The following CEP128 variants were observed in gnomAD, a reference collection of about 807,000 sequenced individuals.
CEP128 encodes the protein centrosomal protein 128.
CEP128 carries 132 observed loss-of-function variants against 156.7 expected under a neutral mutation model. That is an observed-to-expected ratio of 0.84 (90% CI 0.73 to 0.97). The LOEUF is 0.97. CEP128 is among the 50% of genes least tolerant of loss of function. CEP128 has a pLI of 0.00. For synonymous variants in CEP128, 469 were observed against 448.9 expected, an observed-to-expected ratio of 1.04 and a Z score of -0.57; for missense variants, 1,252 against 1,281.9, an observed-to-expected ratio of 0.98 and a Z score of 0.36.
intron 24 of CEP128, among the ~76,000 whole-genome samples, chr14:80,503,063 G>A (rs1433782319): frequency 6.6e-6 from 1 of 151,930 alleles, no homozygotes; most frequent in Non-Finnish European, 1.5e-5. Context: ...GAAAATATGG[G>A]GATAGGTCTG....
At chr14:80,762,234 G>A (rs1012073777) in intron 16 of CEP128, among the ~76,000 whole-genome samples, 5 of 151,516 alleles carry the variant, frequency 3.3e-5, no homozygotes, top group African/African-American at 7.3e-5. Flanking sequence ...CAAGGACTTG[G>A]GGACCCACTC....
At chr14:80,638,477 C>T (rs1894280899) in intron 19 of CEP128, among the ~76,000 whole-genome samples, 1 of 152,140 alleles carries the variant, frequency 6.6e-6, no homozygotes, top group South Asian at 2.1e-4. Flanking sequence ...CCCCGATGTG[C>T]GTAGGGCTCT....
At chr14:80,541,961 T>C (rs1889783263) in intron 21 of CEP128, among the ~76,000 whole-genome samples, 1 of 143,104 alleles carries the variant, frequency 7.0e-6, no homozygotes, top group Non-Finnish European at 1.5e-5. Context: ...TGGGACTCAG[T>C]TTCCTAATTT....
chr14:80,788,401 A>C (rs1462010683), intron 14 of CEP128, among the ~76,000 whole-genome samples: 1 of 149,922 alleles, frequency 6.7e-6, no homozygotes, highest in Non-Finnish European at 1.5e-5. Flanking sequence ...AAATTATCAG[A>C]CTCATAGGCA....
chr14:80,841,838 T>C (rs1025692429), intron 9 of CEP128, among the ~76,000 whole-genome samples: 2 of 152,064 alleles, frequency 1.3e-5, no homozygotes, highest in South Asian at 4.1e-4. Context: ...GAAAACTAAA[T>C]GGTTTGATAT....
At chr14:80,743,513 A>T (rs890378039) in intron 18 of CEP128, among the ~76,000 whole-genome samples, 3 of 152,206 alleles carry the variant, frequency 2.0e-5, no homozygotes, top group Admixed American at 6.5e-5. Flanking sequence ...TAGAAAGACA[A>T]AGTTTGGCCT....
chr14:80,709,335 A>G (rs1216717638), intron 19 of CEP128, among the ~76,000 whole-genome samples: 3 of 151,906 alleles, frequency 2.0e-5, no homozygotes, highest in Non-Finnish European at 4.4e-5. Flanking sequence ...ATGGGGTTTC[A>G]CTATGTTGGC....
rs575643627 is a variant in CEP128, at chr14:80,506,279, G to A, written c.3073-1259C>T. ...GAAGACCCCACAGCTTAGGTACACT[G>A]AGCCTGGGGGAAGCGATTACAGTGA... is the stretch of plus-strand genomic sequence containing the variant. On this transcript the variant is annotated intron_variant, in intron 23 of 24. Transcript: ENST00000555265. 5.9e-5 allele frequency among the ~76,000 whole-genome samples: 9 copies of A among 151,422 alleles called. No homozygotes were observed. The South Asian group carries it at 1.7e-3, about 28-fold the overall frequency.
chr14:80,603,454 C>T (rs1003611300), intron 19 of CEP128, among the ~76,000 whole-genome samples: 2 of 152,152 alleles, frequency 1.3e-5, no homozygotes, highest in Non-Finnish European at 2.9e-5. Context: ...AATGAATACA[C>T]TAAAATGTAC....
At chr14:80,599,871 A>G (rs1398461310) in intron 19 of CEP128, among the ~76,000 whole-genome samples, 1 of 152,202 alleles carries the variant, frequency 6.6e-6, no homozygotes, top group Non-Finnish European at 1.5e-5. Context: ...CTGGATTGAA[A>G]AGTAGAGAAA....
In CEP128 at chr14:80,761,517, C is replaced by T. The variant is rs755467958; in HGVS notation, c.2473G>A (p.Glu825Lys). Reference protein sequence around the residue: ...DQLLCLETEQESILGVIGKEI... With the variant: ...DQLLCLETEQKSILGVIGKEI... ...TTTCCTATCACACCAAGAATGGATT[C>T]CTGTTCAGTCTCCAAGCAAAGAAGT... Residue 825 changes from glutamate to lysine, a missense_variant, in exon 17 of 25, where the codon GAA becomes AAA. Glu to Lys is a moderately conservative substitution (Grantham distance 56, BLOSUM62 1). Transcript: ENST00000555265. 6.2e-7 allele frequency: 1 copy of T among 1,612,700 alleles called. No homozygotes were observed. The highest frequency in any genetic ancestry group is 1.7e-4 in the Middle Eastern group (1 of 6,056).
chr14:80,811,333 C>T (rs1884520347), intron 13 of CEP128, among the ~76,000 whole-genome samples: 1 of 152,064 alleles, frequency 6.6e-6, no homozygotes. Flanking sequence ...ATTTCTGGTT[C>T]TAGGTCTTTG....
At position 80,734,324 on chromosome 14, in the gene CEP128, G is replaced by A. The variant is rs1211404756; in HGVS notation, c.2806+8751C>T. 2.6e-5 allele frequency among the ~76,000 whole-genome samples: 4 copies of A among 151,878 alleles called. No individual in the cohort carries two copies. The East Asian group carries it at 7.7e-4, about 29-fold the overall frequency. ...TGTCTTCATACTAACATAATCAAAAGTTTAATTTTTTAAGGGAGGAAGGGG... is the reference window on the plus strand; with the variant it reads ...TGTCTTCATACTAACATAATCAAAAATTTAATTTTTTAAGGGAGGAAGGGG... On this transcript the variant is annotated intron_variant, in intron 19 of 24. Transcript: ENST00000555265.
intron 16 of CEP128, among the ~76,000 whole-genome samples, chr14:80,774,616 TGTGTGTGTGC>T (rs1214224301): frequency 6.6e-6 from 1 of 152,070 alleles, no homozygotes; most frequent in African/African-American, 2.4e-5. Flanking sequence ...CATATGTGTG[TGTGTGTGTGC>T]GTGTGTGTGT....
intron 19 of CEP128, among the ~76,000 whole-genome samples, chr14:80,640,556 C>T (rs1459277771): frequency 6.6e-6 from 1 of 152,100 alleles, no homozygotes; most frequent in Non-Finnish European, 1.5e-5. Context: ...ACAGCAACAT[C>T]CTCTCCTTTT....
intron 21 of CEP128, among the ~76,000 whole-genome samples, chr14:80,531,230 A>T (rs1036364716): frequency 6.6e-6 from 1 of 152,220 alleles, no homozygotes; most frequent in Non-Finnish European, 1.5e-5. Context: ...CATCAGAAAT[A>T]GACTATGAGG....
At chr14:80,760,164 A>G (rs935670357) in intron 17 of CEP128, among the ~76,000 whole-genome samples, 69 of 152,126 alleles carry the variant, frequency 4.5e-4, no homozygotes, top group African/African-American at 1.6e-3. Context: ...AAAAAAAGTT[A>G]GAATTATCAT....
chr14:80,906,536 C>T (rs1883893974), intron 4 of CEP128, among the ~76,000 whole-genome samples: 3 of 152,142 alleles, frequency 2.0e-5, no homozygotes, highest in Admixed American at 2.0e-4. Flanking sequence ...GCTACTGAAA[C>T]AATGTACACT....
chr14:80,854,966 G>GA lies in CEP128; in HGVS notation c.762+7790dup, dbSNP rs900298653. Reference sequence around the variant, plus strand: ...TATTACCAGAAACTGGACAGTGAAAGAAAAAAAAATGCCATCTTTACAGAA... The same window carrying GA: ...TATTACCAGAAACTGGACAGTGAAAGAAAAAAAAAATGCCATCTTTACAGAA... On this transcript the variant is annotated intron_variant, in intron 9 of 24. Transcript: ENST00000555265. Among the ~76,000 whole-genome samples the GA allele has an allele frequency of 2.5e-4, 38 of 150,164 alleles. No individual in the cohort carries two copies. In the East Asian group the frequency reaches 3.3e-3, roughly 13 times the overall value.
Sources: allele counts gnomAD v4.1 joint callset (sites outside exome capture counted in the v4.1 genomes callset), GRCh38; gene constraint gnomAD v4.1.1; transcripts MANE v1.5; gene names NCBI Gene and HGNC (gene_info 2026-07-23, HGNC 2026-07-21).